Variants in EFCAB10 observed in about 807,000 individuals in gnomAD.
The protein encoded by EFCAB10 is EF-hand calcium-binding domain-containing protein 10.
A neutral mutation model predicts 7.7 loss-of-function variants in EFCAB10; 7 were observed. The ratio of observed to expected loss-of-function variants is 0.91; its 90% CI spans 0.52 to 1.72. The LOEUF is 1.72. EFCAB10 is among the 40% of genes most tolerant of loss of function. The pLI, the probability that EFCAB10 is intolerant of heterozygous loss-of-function variation, is 0.00. For synonymous variants in EFCAB10, 52 were observed against 21.0 expected (o/e 2.47, Z -4.03); for missense variants, 112 against 61.5 (o/e 1.82, Z -2.74).
intron 1 of EFCAB10, among the ~76,000 whole-genome samples, chr7:105,570,264 TATATAC>T (rs1316072445): frequency 1.4e-4 from 12 of 86,630 alleles, no homozygotes; most frequent in African/African-American, 4.8e-4. Context: ...TATATATATA[TATATAC>T]ACACACACAC....
intron 3 of EFCAB10, 91 bp from the exon 4 acceptor site, chr7:105,567,581 GATATT>G (rs1174371415): frequency 1.3e-5 from 8 of 603,906 alleles, no homozygotes; most frequent in African/African-American, 1.1e-4. Context: ...GACGAGCAGA[GATATT>G]AAATTATAAC....
At chr7:105,570,264 T>TAC (rs1395451305) in intron 1 of EFCAB10, among the ~76,000 whole-genome samples, 20 of 86,642 alleles carry the variant, frequency 2.3e-4, no homozygotes, top group Admixed American at 1.4e-3. Context: ...TATATATATA[T>TAC]ATATACACAC....
At chr7:105,570,241 ATATAT>A (rs1251586139) in intron 1 of EFCAB10, among the ~76,000 whole-genome samples, 4 of 28,366 alleles carry the variant, frequency 1.4e-4, no homozygotes, top group Non-Finnish European at 2.1e-4. Context: ...AAAAAAAAAA[ATATAT>A]ATATATATAT....
chr7:105,573,053 C>A (rs1311970448), intron 1 of EFCAB10: 6 of 150,944 alleles, frequency 4.0e-5, no homozygotes, highest in Non-Finnish European at 8.8e-5. Context: ...TGGATATTAA[C>A]CCCTTATCAG....
At chr7:105,570,395 A>C (rs1791919375) in intron 1 of EFCAB10, among the ~76,000 whole-genome samples, 2 of 150,698 alleles carry the variant, frequency 1.3e-5, no homozygotes, top group South Asian at 4.2e-4. Context: ...AATTTGGATA[A>C]ATATTCTGTA....
chr7:105,578,266 ACAGGAAATGTAAGTATAAGT>A (rs1458827174), intron 1 of EFCAB10, among the ~76,000 whole-genome samples: 5 of 152,246 alleles, frequency 3.3e-5, no homozygotes, highest in African/African-American at 1.2e-4. Context: ...ACTAATGAAG[ACAGGAAATGTAAGTATAAGT>A]CAGTGAGGAG....
At chr7:105,567,067 A>G (rs1177432236) in intron 4 of EFCAB10, 10 of 1,151,224 alleles carry the variant, frequency 8.7e-6, no homozygotes, top group Non-Finnish European at 1.2e-6. Flanking sequence ...TTGTAATATA[A>G]TTGATGCAGA....
intron 1 of EFCAB10, among the ~76,000 whole-genome samples, chr7:105,580,965 A>G (rs1455750291): frequency 6.6e-6 from 1 of 152,124 alleles, no homozygotes; most frequent in African/African-American, 2.4e-5. Flanking sequence ...CACGCCTACA[A>G]TCCCAGCACT....
chr7:105,576,657 G>A (rs1448377501), intron 1 of EFCAB10, among the ~76,000 whole-genome samples: 2 of 152,088 alleles, frequency 1.3e-5, no homozygotes, highest in East Asian at 1.9e-4. Flanking sequence ...TGTTAGCCAG[G>A]ATGGCCTCGA....
chr7:105,570,374 T>G (rs2133514234), intron 1 of EFCAB10, among the ~76,000 whole-genome samples: 1 of 150,112 alleles, frequency 6.7e-6, no homozygotes, highest in East Asian at 1.9e-4. Flanking sequence ...TGTACTCATT[T>G]CTAACAAAGC....
At chr7:105,566,919 T>A (rs955193256) in intron 4 of EFCAB10, 4 of 370,742 alleles carry the variant, frequency 1.1e-5, no homozygotes, top group Non-Finnish European at 1.9e-5. Context: ...CGTATTACCT[T>A]ATAGTAATCT....
intron 1 of EFCAB10, among the ~76,000 whole-genome samples, chr7:105,574,262 T>TATAC (rs1554371138): frequency 1.3e-5 from 2 of 150,088 alleles, no homozygotes; most frequent in Admixed American, 6.7e-5. Context: ...TATATATATA[T>TATAC]ACATATACAC....
At chr7:105,570,094 A>G (rs561473205) in intron 1 of EFCAB10, among the ~76,000 whole-genome samples, 1 of 149,542 alleles carries the variant, frequency 6.7e-6, no homozygotes, top group African/African-American at 2.5e-5. Context: ...CATGCCTGTA[A>G]TCCCAGCTAC....
intron 1 of EFCAB10, among the ~76,000 whole-genome samples, 187 bp downstream of exon 1, chr7:105,581,171 G>A (rs1191765091): frequency 1.3e-5 from 2 of 152,226 alleles, no homozygotes; most frequent in Non-Finnish European, 2.9e-5. Context: ...GGAGGTTGTA[G>A]TGAAATGAGA....
At position 105,581,406 on chromosome 7, in the gene EFCAB10, T is replaced by C. The variant is rs1184033948; in HGVS notation, c.58A>G (p.Lys20Glu). Residue 20 changes from lysine (K) to glutamate (E), a missense_variant, in exon 1 of 5, where the codon AAG (lysine) becomes GAG (glutamate). Transcript: ENST00000480514. The part of the protein sequence containing the change: ...AAEYLEKHQI[K>E]EVVSYLTSAL... The stretch of plus-strand genomic sequence containing the variant: ...CTGGTGAGGTAGCTAACCACCTCCT[T>C]GATCTGATGCTTTTCCAAATACTCC... 9 of 703,028 alleles carry C rather than the reference T, an allele frequency of 1.3e-5. No individual in the cohort carries two copies. Among genetic ancestry groups the C allele is most frequent in the Middle Eastern group, 4.6e-4 (2 of 4,370 alleles). The allele number at this position is 703,028 out of a possible 1,614,324, so 43.5% of individuals were successfully genotyped here.
intron 1 of EFCAB10, among the ~76,000 whole-genome samples, chr7:105,580,039 C>T (rs913533574): frequency 3.3e-5 from 5 of 151,898 alleles, no homozygotes; most frequent in African/African-American, 1.2e-4. Flanking sequence ...TGTCACCTGG[C>T]TTGAGTAGCA....
chr7:105,577,032 G>A (rs545713736), intron 1 of EFCAB10, among the ~76,000 whole-genome samples: 4 of 149,864 alleles, frequency 2.7e-5, no homozygotes, highest in Admixed American at 1.3e-4. Context: ...CAGGCTGGGC[G>A]ACAGGGCAAA....
rs1300159941 is a variant in EFCAB10, at chr7:105,570,242, T to TAG, written c.107-672_107-671insCT. On this transcript the variant is annotated intron_variant, in intron 1 of 4. Transcript: ENST00000480514. ...AAAAAAAAAAAAAAAAAAAAAAAAATATATATATATATATATATATATATA... is the reference window on the plus strand; with the variant it reads ...AAAAAAAAAAAAAAAAAAAAAAAAATAGATATATATATATATATATATATATA... 1.0e-3 allele frequency among the ~76,000 whole-genome samples: 24 copies of TAG among 23,090 alleles called. No homozygotes were observed. In the East Asian group the frequency reaches 0.024, roughly 24 times the overall value. 15.1% of individuals were successfully genotyped at this position (23,090 alleles called of 152,430 possible).
chr7:105,574,978 A>G (rs1018485340), intron 1 of EFCAB10, among the ~76,000 whole-genome samples: 8 of 150,514 alleles, frequency 5.3e-5, no homozygotes, highest in Non-Finnish European at 1.0e-4. Flanking sequence ...AGCCAGGCAT[A>G]GTGGTGCGTG....
Sources: allele counts gnomAD v4.1 joint callset (sites outside exome capture counted in the v4.1 genomes callset), GRCh38; gene constraint gnomAD v4.1.1; transcripts MANE v1.5; gene names NCBI Gene and HGNC (gene_info 2026-07-23, HGNC 2026-07-21).